SCML4: variants seen among roughly 807,000 people sequenced by gnomAD.
SCML4 encodes the protein sex comb on midleg-like protein 4.
In SCML4, 34 loss-of-function variants were observed where a neutral mutation model predicts 41.1. That is an observed-to-expected ratio of 0.83 (90% confidence interval 0.63 to 1.10). The LOEUF is 1.10. Among genes scored for constraint, SCML4 ranks in the 50% least tolerant of loss-of-function variants. The pLI, the probability that SCML4 is intolerant of heterozygous loss-of-function variation, is 0.00. For missense variants in SCML4, 522 were observed against 534.1 expected (o/e 0.98, Z 0.22); for synonymous variants, 214 against 220.9 (o/e 0.97, Z 0.28).
the SCML4 span, among the ~76,000 whole-genome samples, chr6:107,838,180 T>A: frequency 3.9e-5 from 6 of 152,166 alleles, no homozygotes; most frequent in Non-Finnish European, 8.8e-5. Context: ...AGTTCTGGGA[T>A]TACAGGTGTG....
At chr6:107,831,223 A>G in the SCML4 span, among the ~76,000 whole-genome samples, 4 of 152,206 alleles carry the variant, frequency 2.6e-5, no homozygotes, top group East Asian at 7.7e-4. Context: ...CATGTAGAAG[A>G]TAGTTTTGGG....
chr6:107,741,696 A>G (rs1322535609), intron 5 of SCML4, among the ~76,000 whole-genome samples: 1 of 152,240 alleles, frequency 6.6e-6, no homozygotes, highest in Non-Finnish European at 1.5e-5. Context: ...CTGCATTTGG[A>G]AAGGGCAATG....
At chr6:107,841,156 TA>T in the SCML4 span, among the ~76,000 whole-genome samples, 26,652 of 148,758 alleles carry the variant, frequency 0.18, 2,407 homozygotes, top group African/African-American at 0.2. Flanking sequence ...TATAAACTGC[TA>T]AAAAAAAAAA....
At chr6:107,802,937 G>A (rs1278165833) in intron 1 of SCML4, among the ~76,000 whole-genome samples, 1 of 151,810 alleles carries the variant, frequency 6.6e-6, no homozygotes, top group African/African-American at 2.4e-5. Flanking sequence ...GTGGAGACGG[G>A]TTTTCGCTGT....
the SCML4 span, among the ~76,000 whole-genome samples, chr6:107,843,534 T>C: frequency 6.6e-6 from 1 of 152,074 alleles, no homozygotes; most frequent in African/African-American, 2.4e-5. Context: ...TTATTCAAAA[T>C]CACCCAGGAA....
chr6:107,803,757 C>T (rs911766849), intron 1 of SCML4, among the ~76,000 whole-genome samples: 17 of 150,302 alleles, frequency 1.1e-4, no homozygotes, highest in Admixed American at 6.6e-5. Context: ...TACCCCCAAC[C>T]CTGTGCTCTC....
intron 1 of SCML4, among the ~76,000 whole-genome samples, chr6:107,803,225 G>GT (rs1783382822): frequency 1.5e-5 from 2 of 133,882 alleles, no homozygotes; most frequent in Non-Finnish European, 3.2e-5. Flanking sequence ...TGTGGGGAGC[G>GT]CCTCTGCCCG....
intron 2 of SCML4, among the ~76,000 whole-genome samples, chr6:107,770,890 G>A (rs961469224): frequency 2.0e-5 from 3 of 152,184 alleles, no homozygotes; most frequent in African/African-American, 7.2e-5. Context: ...TCTATAAACA[G>A]AAAGGCTGCC....
intron 5 of SCML4, among the ~76,000 whole-genome samples, chr6:107,743,592 A>G (rs1169458073): frequency 1.3e-5 from 2 of 152,298 alleles, no homozygotes; most frequent in Non-Finnish European, 2.9e-5. Context: ...TGTATCAGCA[A>G]CTCCAACCTG....
chr6:107,794,043 CTTA>C (rs1211486358), intron 1 of SCML4, among the ~76,000 whole-genome samples: 1 of 152,222 alleles, frequency 6.6e-6, no homozygotes, highest in Non-Finnish European at 1.5e-5. Flanking sequence ...ATCAATCTCT[CTTA>C]TTATGGTCTT....
intron 1 of SCML4, among the ~76,000 whole-genome samples, chr6:107,819,699 C>G (rs1784809337): frequency 6.6e-6 from 1 of 150,892 alleles, no homozygotes; most frequent in Admixed American, 6.6e-5. Flanking sequence ...CATCTGCCTC[C>G]CCACAAATGA....
intron 3 of SCML4, among the ~76,000 whole-genome samples, chr6:107,747,487 G>A (rs543541991): frequency 6.6e-6 from 1 of 151,894 alleles, no homozygotes; most frequent in Non-Finnish European, 1.5e-5. Flanking sequence ...AATTGGGGGG[G>A]CACCTGTCCC....
intron 1 of SCML4, among the ~76,000 whole-genome samples, chr6:107,813,370 TTATATATATATATATATATATATATA>T (rs543060112): frequency 4.2e-4 from 18 of 42,472 alleles, no homozygotes; most frequent in African/African-American, 5.5e-4. Flanking sequence ...CTCAAAAAAA[TTATATATATATATATATATATATATA>T]TATATATATA....
At chr6:107,734,885 G>A (rs1423716297) in intron 5 of SCML4, among the ~76,000 whole-genome samples, 1 of 151,974 alleles carries the variant, frequency 6.6e-6, no homozygotes, top group Non-Finnish European at 1.5e-5. Context: ...TGTTATTGTT[G>A]TGGTTTTTGA....
intron 2 of SCML4, among the ~76,000 whole-genome samples, chr6:107,753,722 T>G (rs1208149478): frequency 1.3e-5 from 2 of 152,184 alleles, no homozygotes; most frequent in Non-Finnish European, 2.9e-5. Context: ...TAATGCTGAT[T>G]AAAATAATCC....
chr6:107,735,916 T>C (rs145461013), intron 5 of SCML4, among the ~76,000 whole-genome samples: 1 of 152,320 alleles, frequency 6.6e-6, no homozygotes, highest in East Asian at 1.9e-4. Flanking sequence ...ACTCGTCTTG[T>C]AAAACTGAAA....
At chr6:107,755,432 G>A (rs1288729597) in intron 2 of SCML4, 4 of 178,970 alleles carry the variant, frequency 2.2e-5, no homozygotes, top group Non-Finnish European at 4.9e-5. Flanking sequence ...TTAATATAAA[G>A]AATAAAAAGT....
chr6:107,803,505 A>C (rs1450055946), intron 1 of SCML4, among the ~76,000 whole-genome samples: 7 of 148,756 alleles, frequency 4.7e-5, no homozygotes, highest in Admixed American at 1.3e-4. Flanking sequence ...CCTACTGGGA[A>C]GTGAGGAGCC....
intron 1 of SCML4, among the ~76,000 whole-genome samples, chr6:107,822,969 T>C (rs1785056784): frequency 6.6e-6 from 1 of 151,876 alleles, no homozygotes; most frequent in African/African-American, 2.4e-5. Flanking sequence ...AAGAATTCCT[T>C]TGTAGTTATT....
Sources: gnomAD v4.1 joint callset for allele counts (sites outside exome capture counted in the v4.1 genomes callset) on GRCh38, gnomAD v4.1.1 for gene constraint, MANE v1.5 for transcripts, NCBI Gene and HGNC (gene_info 2026-07-23, HGNC 2026-07-21) for gene names.